The following ZC3H12B variants were observed in gnomAD, a reference collection of about 807,000 sequenced individuals.
ZC3H12B encodes the protein probable ribonuclease ZC3H12B.
Under a neutral mutation model 43.9 loss-of-function variants are expected in ZC3H12B, and 7 were observed. That is an observed-to-expected ratio of 0.16 (90% CI 0.09 to 0.30). The LOEUF (loss-of-function observed/expected upper bound fraction) is 0.30. ZC3H12B is among the 10% of genes least tolerant of loss of function. ZC3H12B has a pLI of 1.00. For synonymous variants in ZC3H12B, 222 were observed against 241.7 expected (o/e 0.92, Z 0.76); for missense variants, 475 against 670.2 (o/e 0.71, Z 3.22).
chrX:65,270,239 A>G, the ZC3H12B span, among the ~76,000 whole-genome samples: 39 of 112,011 alleles, frequency 3.5e-4, no homozygotes, highest in South Asian at 6.3e-3. Context: ...AACACATATG[A>G]TCAACTAATT....
At chrX:65,186,756 C>A in the ZC3H12B span, among the ~76,000 whole-genome samples, 2 of 111,146 alleles carry the variant, frequency 1.8e-5, no homozygotes, top group African/African-American at 6.5e-5. Flanking sequence ...CATAGCTTAG[C>A]TCCCACATAT....
At chrX:65,317,093 C>T in the ZC3H12B span, among the ~76,000 whole-genome samples, 128 of 110,603 alleles carry the variant, frequency 1.2e-3, no homozygotes, top group African/African-American at 3.9e-3. Flanking sequence ...ACAAGAAAAC[C>T]GAACTATCCT....
At chrX:65,134,392 T>G in the ZC3H12B span, among the ~76,000 whole-genome samples, 231 of 111,578 alleles carry the variant, frequency 2.1e-3, 1 homozygote, top group Non-Finnish European at 3.7e-3. Flanking sequence ...AACACTGTCT[T>G]CCCTAGTCCG....
intron 3 of ZC3H12B, among the ~76,000 whole-genome samples, chrX:65,464,160 G>C (rs1342040460): frequency 2.7e-5 from 3 of 112,316 alleles, no homozygotes; most frequent in African/African-American, 9.7e-5. Context: ...GTTAACCTGA[G>C]AGAGGGCCTG....
At chrX:65,133,906 C>G in the ZC3H12B span, among the ~76,000 whole-genome samples, 1 of 110,973 alleles carries the variant, frequency 9.0e-6, no homozygotes, top group Non-Finnish European at 1.9e-5. Context: ...AGTCAGGCAC[C>G]TCAGACCCAT....
At chrX:65,212,228 T>TAA in the ZC3H12B span, among the ~76,000 whole-genome samples, 2 of 4,950 alleles carry the variant, frequency 4.0e-4, no homozygotes, top group Non-Finnish European at 2.2e-3. Context: ...ATATATTATA[T>TAA]TATATAGTAT....
chrX:65,283,769 G>T, the ZC3H12B span, among the ~76,000 whole-genome samples: 2 of 111,570 alleles, frequency 1.8e-5, no homozygotes, highest in Non-Finnish European at 3.8e-5. Context: ...ACACTGTCAT[G>T]CTACCCAGTG....
chrX:65,237,869 T>C, the ZC3H12B span, among the ~76,000 whole-genome samples: 1 of 112,069 alleles, frequency 8.9e-6, no homozygotes, highest in South Asian at 3.7e-4. Flanking sequence ...TTACATTTGT[T>C]AATTAATGTA....
intron 1 of ZC3H12B, 96 bp from the exon 7 acceptor site, chrX:65,497,036 A>G: frequency 1.5e-6 from 1 of 653,052 alleles, no homozygotes; most frequent in Non-Finnish European, 2.2e-6. Context: ...GTAAATGTCT[A>G]TTATTAATAC....
At chrX:65,262,402 G>A in the ZC3H12B span, among the ~76,000 whole-genome samples, 1 of 110,675 alleles carries the variant, frequency 9.0e-6, no homozygotes, top group Non-Finnish European at 1.9e-5. Context: ...GCCAGCAGCA[G>A]CCTCTGGAAG....
chrX:65,472,216 C>T (rs1442722774), intron 3 of ZC3H12B, among the ~76,000 whole-genome samples: 1 of 111,528 alleles, frequency 9.0e-6, no homozygotes, highest in Non-Finnish European at 1.9e-5. Context: ...GTCCTTTATT[C>T]ATTTTTAAAT....
At chrX:65,115,075 G>T in the ZC3H12B span, among the ~76,000 whole-genome samples, 5 of 107,324 alleles carry the variant, frequency 4.7e-5, no homozygotes, top group Non-Finnish European at 9.6e-5. Flanking sequence ...GTTTCCATAG[G>T]TTTTATGGAA....
chrX:65,489,498 G>C, intron 1 of ZC3H12B, 89 bp downstream of exon 6: 1 of 1,026,723 alleles, frequency 9.7e-7, no homozygotes, highest in Non-Finnish European at 1.3e-6. Flanking sequence ...TATAAGAGGA[G>C]CATGGCTATT....
At chrX:65,104,020 A>G in the ZC3H12B span, among the ~76,000 whole-genome samples, 8 of 111,689 alleles carry the variant, frequency 7.2e-5, no homozygotes, top group Admixed American at 7.6e-4. Flanking sequence ...TTCAAACTAT[A>G]CTACAAGTCT....
At chrX:65,302,729 AG>A in the ZC3H12B span, among the ~76,000 whole-genome samples, 1 of 112,003 alleles carries the variant, frequency 8.9e-6, no homozygotes, top group Non-Finnish European at 1.9e-5. Flanking sequence ...AGAAAGTCAG[AG>A]GCCTGACATT....
At chrX:65,473,112 C>G (rs914158720) in intron 3 of ZC3H12B, among the ~76,000 whole-genome samples, 4 of 104,793 alleles carry the variant, frequency 3.8e-5, no homozygotes, top group Non-Finnish European at 7.8e-5. Flanking sequence ...CTCCCGGGTT[C>G]AAGCAATTCT....
chrX:65,204,713 G>C, the ZC3H12B span, among the ~76,000 whole-genome samples: 1 of 111,803 alleles, frequency 8.9e-6, no homozygotes, highest in Non-Finnish European at 1.9e-5. Flanking sequence ...AAGGTAGCTC[G>C]ATTTCTAAAC....
chrX:65,260,705 A>C, the ZC3H12B span, among the ~76,000 whole-genome samples: 2 of 111,936 alleles, frequency 1.8e-5, no homozygotes, highest in Non-Finnish European at 1.9e-5. Flanking sequence ...AAATTAAATA[A>C]AAGTAAAATT....
the ZC3H12B span, among the ~76,000 whole-genome samples, chrX:65,203,403 C>A: frequency 9.0e-6 from 1 of 111,388 alleles, no homozygotes; most frequent in African/African-American, 3.3e-5. Flanking sequence ...CTGGTTATTA[C>A]TGCTGATCGT....
Sources: gnomAD v4.1 joint callset for allele counts (sites outside exome capture counted in the v4.1 genomes callset) on GRCh38, gnomAD v4.1.1 for gene constraint, MANE v1.5 for transcripts, NCBI Gene and HGNC (gene_info 2026-07-23, HGNC 2026-07-21) for gene names.